Variants in EPHA8 observed in about 807,000 individuals in gnomAD.
EPHA8 encodes ephrin type-A receptor 8.
EPHA8 carries 58 observed loss-of-function variants against 103.6 expected under a neutral mutation model. The observed-to-expected ratio is 0.56, with a 90% CI of 0.45 to 0.70. The LOEUF (loss-of-function observed/expected upper bound fraction) is 0.70, where lower values mean the gene tolerates loss of function less well. Ranked by LOEUF, EPHA8 falls within the 30% of genes least tolerant of loss-of-function variation. EPHA8 has a pLI of 0.00. For synonymous variants in EPHA8, 559 were observed against 572.5 expected, an observed-to-expected ratio of 0.98 and a Z score of 0.34; for missense variants, 1,304 against 1,395.2, an observed-to-expected ratio of 0.93 and a Z score of 1.04.
rs754998997 is a variant in EPHA8 at position 22,595,261 on chromosome 1, G to A, written c.1635G>A (p.Trp545Ter). Residue 545 changes from tryptophan (W) to a stop codon, truncating the protein, a stop_gained, in exon 8 of 17, where the codon TGG becomes TGA. Transcript: ENST00000166244. LOFTEE classifies it high-confidence loss of function. ...GCTATGACACCAGGACCATTGTCTG[G>A]ATCTGCCTGACGCTCATCACGGGCC... Reference protein sequence around the residue: ...RPRYDTRTIVWICLTLITGLV... With the variant: ...RPRYDTRTIV 2 of 1,613,602 alleles carry A rather than the reference G, an allele frequency of 1.2e-6. No individual in the cohort carries two copies. Among genetic ancestry groups the A allele is most frequent in the Non-Finnish European group, 1.7e-6 (2 of 1,179,824 alleles).
intron 13 of EPHA8, 52 bp from the exon 14 acceptor site, chr1:22,600,609 G>T: frequency 6.2e-7 from 1 of 1,602,010 alleles, no homozygotes; most frequent in Non-Finnish European, 8.5e-7. Flanking sequence ...ACGGCTCGGG[G>T]GACACCCTGC....
At chr1:22,599,404 G>A (rs1641615103) in intron 13 of EPHA8, among the ~76,000 whole-genome samples, 1 of 152,040 alleles carries the variant, frequency 6.6e-6, no homozygotes, top group African/African-American at 2.4e-5. Flanking sequence ...CATTCCATGG[G>A]GATTTGGACC....
intron 2 of EPHA8, among the ~76,000 whole-genome samples, chr1:22,571,283 C>T (rs1334835137): frequency 6.6e-6 from 1 of 152,220 alleles, no homozygotes; most frequent in African/African-American, 2.4e-5. Context: ...ATTCGCTGAG[C>T]TCTGAACAGG....
intron 3 of EPHA8, among the ~76,000 whole-genome samples, chr1:22,586,040 G>A (rs530988904): frequency 4.6e-4 from 70 of 152,244 alleles, no homozygotes; most frequent in African/African-American, 1.3e-3. Flanking sequence ...AGTCAGTTCC[G>A]GGGCATTTGA....
intron 5 of EPHA8, among the ~76,000 whole-genome samples, chr1:22,590,049 C>G (rs1641333012): frequency 6.6e-6 from 1 of 152,230 alleles, no homozygotes; most frequent in African/African-American, 2.4e-5. Context: ...CAGGTCCCCC[C>G]ACTCTGAATC....
At chr1:22,572,273 A>G (rs1398550186) in intron 2 of EPHA8, among the ~76,000 whole-genome samples, 2 of 152,222 alleles carry the variant, frequency 1.3e-5, no homozygotes, top group Non-Finnish European at 2.9e-5. Context: ...CGCCTCCTGT[A>G]GTCAGTGTGA....
intron 5 of EPHA8, among the ~76,000 whole-genome samples, chr1:22,590,522 C>T (rs950969699): frequency 7.9e-5 from 12 of 152,142 alleles, no homozygotes; most frequent in African/African-American, 2.9e-4. Flanking sequence ...GCGCCTCTTC[C>T]CCCTTTCATT....
intron 2 of EPHA8, among the ~76,000 whole-genome samples, chr1:22,571,272 G>A (rs1309599825): frequency 2.0e-5 from 3 of 152,204 alleles, no homozygotes; most frequent in African/African-American, 7.2e-5. Flanking sequence ...AGGCAACTTA[G>A]ATTCGCTGAG....
intron 5 of EPHA8, 49 bp from the exon 6 acceptor site, chr1:22,593,277 G>T (rs751353482): frequency 1.3e-6 from 2 of 1,537,512 alleles, no homozygotes; most frequent in Admixed American, 3.9e-5. Flanking sequence ...TGGGAGAGAG[G>T]CCACGCCTTG....
At chr1:22,586,875 C>T (rs1641227396) in intron 4 of EPHA8, among the ~76,000 whole-genome samples, 1 of 152,234 alleles carries the variant, frequency 6.6e-6, no homozygotes, top group Non-Finnish European at 1.5e-5. Flanking sequence ...CAGAATGGAG[C>T]TGGCCTCACT....
At chr1:22,577,562 G>C (rs1434610791) in intron 3 of EPHA8, among the ~76,000 whole-genome samples, 1 of 152,124 alleles carries the variant, frequency 6.6e-6, no homozygotes, top group East Asian at 1.9e-4. Flanking sequence ...CTGGGGCCCT[G>C]AACAGGCTGC....
rs1640726512 is a variant in EPHA8 at position 22,576,979 on chromosome 1, C to T, written c.823+99C>T. The T allele has an allele frequency of 7.5e-7, 1 of 1,341,878 alleles. No individual in the cohort carries two copies. Among genetic ancestry groups the T allele is most frequent in the African/African-American group, 1.5e-5 (1 of 68,268 alleles). The allele number at this position is 1,341,878 out of a possible 1,614,324, so 83.1% of individuals were successfully genotyped here. ...GGGGGGACGTCAGAGCCCACAGGCACCTGAGTGACCCACACAGCCCCTGGG... is the reference window on the plus strand; with the variant it reads ...GGGGGGACGTCAGAGCCCACAGGCATCTGAGTGACCCACACAGCCCCTGGG... On this transcript the variant is annotated intron_variant, in intron 3 of 16. Coordinates refer to ENST00000166244, the MANE Select transcript of EPHA8 (RefSeq NM_020526.5). The surrounding 1 kb of genome is among the most constrained non-coding windows in gnomAD (Gnocchi z 4.8).
In EPHA8 at chr1:22,567,998, C is replaced by T. The variant is rs1011168391; in HGVS notation, c.95-1291C>T. Among the ~76,000 whole-genome samples the T allele has an allele frequency of 2.0e-5, 3 of 152,218 alleles. No individual in the cohort carries two copies. The highest frequency in any genetic ancestry group is 4.4e-5 in the Non-Finnish European group (3 of 68,048). On this transcript the variant is annotated intron_variant, in intron 1 of 16. Coordinates refer to ENST00000166244, the MANE Select transcript of EPHA8 (RefSeq NM_020526.5). The surrounding 1 kb of genome is among the most constrained non-coding windows in gnomAD (Gnocchi z 4.2). ...ACCAAGGACACACAGCAGTTAGAGA[C>T]GGCTGAAGCCGGAGCCCTGATTTCT...
chr1:22,578,937 GTGTA>G (rs1490182506), intron 3 of EPHA8, among the ~76,000 whole-genome samples: 11 of 151,272 alleles, frequency 7.3e-5, no homozygotes, highest in Non-Finnish European at 4.4e-5. Flanking sequence ...GTGTGCATGT[GTGTA>G]TGTATGCATG....
At chr1:22,580,100 G>A (rs1430736785) in intron 3 of EPHA8, among the ~76,000 whole-genome samples, 2 of 150,328 alleles carry the variant, frequency 1.3e-5, no homozygotes, top group Admixed American at 6.6e-5. Flanking sequence ...AGCCCTTCCC[G>A]GAGGCTCTCT....
chr1:22,564,611 TGGTG>T (rs995400641), intron 1 of EPHA8, among the ~76,000 whole-genome samples: 57 of 151,996 alleles, frequency 3.8e-4, no homozygotes, highest in African/African-American at 1.2e-3. Context: ...TGACTTCTGG[TGGTG>T]GGGGCACAAG....
Position 22,589,765 on chromosome 1 carries a change from C to G in EPHA8, c.1315+559C>G. The G allele has an allele frequency of 2.3e-6, 2 of 879,676 alleles. No individual in the cohort carries two copies. Among genetic ancestry groups the G allele is most frequent in the South Asian group, 1.0e-4 (2 of 19,294 alleles). The allele number at this position is 879,676 out of a possible 1,614,324, so 54.5% of individuals were successfully genotyped here. On this transcript the variant is annotated intron_variant, in intron 5 of 16. Coordinates refer to ENST00000166244, the MANE Select transcript of EPHA8 (RefSeq NM_020526.5). The surrounding 1 kb of genome is among the most constrained non-coding windows in gnomAD (Gnocchi z 4.3). ...TTCACCCCCGGAACCTCTTTCTTCC[C>G]AAACTCTGGAGGACCCTGCCCGTCA...
At position 22,598,094 on chromosome 1, in the gene EPHA8, TG is replaced by T; in HGVS notation, c.2117-56del. Reference sequence around the variant, plus strand: ...GATGGTGGTATGCTCCTGGGGTCTCTGATCAGCAGCCCTGAGCCCCAAACCA... The same window carrying T: ...GATGGTGGTATGCTCCTGGGGTCTCTATCAGCAGCCCTGAGCCCCAAACCA... On this transcript the variant is annotated intron_variant, in intron 11 of 16. Coordinates refer to ENST00000166244, the MANE Select transcript of EPHA8 (RefSeq NM_020526.5). The surrounding 1 kb of genome is among the most constrained non-coding windows in gnomAD (Gnocchi z 5.1). 6.4e-7 allele frequency: 1 copy of T among 1,572,448 alleles called. No homozygotes were observed. The highest frequency in any genetic ancestry group is 8.7e-7 in the Non-Finnish European group (1 of 1,143,236).
At chr1:22,596,693 A>T (rs1268171386) in intron 9 of EPHA8, among the ~76,000 whole-genome samples, 2 of 150,122 alleles carry the variant, frequency 1.3e-5, no homozygotes, top group Non-Finnish European at 1.5e-5. Flanking sequence ...ACAGAGTCTC[A>T]CTCTGTTGCC....
Sources: gnomAD v4.1 joint callset for allele counts (sites outside exome capture counted in the v4.1 genomes callset) on GRCh38, gnomAD v4.1.1 for gene constraint, Gnocchi (gnomAD v3.1) non-coding constraint, MANE v1.5 for transcripts, NCBI Gene and HGNC (gene_info 2026-07-23, HGNC 2026-07-21) for gene names.